The following TAFA5 variants were observed in gnomAD, a reference collection of about 807,000 sequenced individuals.
TAFA5 encodes the protein chemokine-like protein TAFA-5.
Under a neutral mutation model 15.3 loss-of-function variants are expected in TAFA5, and 6 were observed. The observed-to-expected ratio is 0.39, with a 90% confidence interval of 0.21 to 0.77. The LOEUF is 0.77. Ranked by LOEUF, TAFA5 falls within the 30% of genes least tolerant of loss-of-function variation. The pLI, the probability that TAFA5 is intolerant of heterozygous loss-of-function variation, is 0.41. For synonymous variants in TAFA5, 103 were observed against 80.7 expected, an observed-to-expected ratio of 1.28 and a Z score of -1.48; for missense variants, 161 against 193.1, an observed-to-expected ratio of 0.83 and a Z score of 0.98.
chr22:48,554,976 G>T (rs938240745), intron 1 of TAFA5, among the ~76,000 whole-genome samples: 1 of 152,202 alleles, frequency 6.6e-6, no homozygotes, highest in South Asian at 2.1e-4. Context: ...GCCCAGGGTG[G>T]CAATGTAGCC....
intron 1 of TAFA5, among the ~76,000 whole-genome samples, chr22:48,645,150 C>A (rs1926818548): frequency 6.6e-6 from 1 of 152,152 alleles, no homozygotes; most frequent in Non-Finnish European, 1.5e-5. Flanking sequence ...GGAGCAGGTG[C>A]CCATGTGGAG....
chr22:48,591,199 C>T (rs1924555241), intron 1 of TAFA5, among the ~76,000 whole-genome samples: 1 of 152,274 alleles, frequency 6.6e-6, no homozygotes, highest in East Asian at 1.9e-4. Context: ...TTGGCCTTGA[C>T]AGCAACCTGA....
chr22:48,633,910 C>T (rs1461366803), intron 1 of TAFA5, among the ~76,000 whole-genome samples: 1 of 152,216 alleles, frequency 6.6e-6, no homozygotes, highest in South Asian at 2.1e-4. Flanking sequence ...TTATTTCTCA[C>T]AATCGTGGGT....
At chr22:48,744,064 G>T (rs1235765284) in intron 3 of TAFA5, among the ~76,000 whole-genome samples, 1 of 152,236 alleles carries the variant, frequency 6.6e-6, no homozygotes, top group Non-Finnish European at 1.5e-5. Flanking sequence ...AGGCTGTTCT[G>T]TCGAGATGGA....
In TAFA5 at chr22:48,649,212, G is replaced by A. The variant is rs576721635; in HGVS notation, c.262+2466G>A. 9.0e-4 allele frequency among the ~76,000 whole-genome samples: 137 copies of A among 152,332 alleles called. 2 individuals are homozygous for A. Among genetic ancestry groups the A allele is most frequent in the Middle Eastern group, 6.8e-3 (2 of 294 alleles). ...GATGCCCTGTGCACCTGGGGGTTGC[G>A]TGCACTGCTCAGGTGGGATACCCAG... On this transcript the variant is annotated intron_variant, in intron 2 of 3. Coordinates refer to ENST00000402357, the MANE Select transcript of TAFA5 (RefSeq NM_001082967.3).
At chr22:48,665,856 T>C (rs1194552250) in intron 2 of TAFA5, among the ~76,000 whole-genome samples, 1 of 151,778 alleles carries the variant, frequency 6.6e-6, no homozygotes, top group African/African-American at 2.4e-5. Context: ...CCCTCTCTGT[T>C]TTCCTTTTCC....
At position 48,693,354 on chromosome 22, in the gene TAFA5, G is replaced by A. The variant is rs552927276; in HGVS notation, c.263-14363G>A. 2.0e-4 allele frequency: 319 copies of A among 1,612,488 alleles called. 1 individual carries two copies. The South Asian group carries it at 2.6e-3, about 13-fold the overall frequency. On this transcript the variant is annotated intron_variant, in intron 2 of 3. Transcript: ENST00000402357. ...AAAAACCAGGAAAGCACAAACACCC[G>A]AAATGTACCACCACCGGGAATGGCC...
At chr22:48,660,993 G>A (rs1927419646) in intron 2 of TAFA5, among the ~76,000 whole-genome samples, 1 of 152,188 alleles carries the variant, frequency 6.6e-6, no homozygotes, top group South Asian at 2.1e-4. Flanking sequence ...CAGGCACAGT[G>A]AATACAGTCA....
chr22:48,650,918 C>T (rs1032154322), intron 2 of TAFA5, among the ~76,000 whole-genome samples: 3 of 152,198 alleles, frequency 2.0e-5, no homozygotes, highest in African/African-American at 7.2e-5. Context: ...CGCCAGGTTC[C>T]CTTTTCCATC....
intron 2 of TAFA5, among the ~76,000 whole-genome samples, chr22:48,667,388 A>G (rs982558028): frequency 6.6e-6 from 1 of 152,218 alleles, no homozygotes; most frequent in Admixed American, 6.5e-5. Flanking sequence ...GGGAGGAAAG[A>G]TTGGAAAACT....
At chr22:48,512,889 G>T (rs133509) in intron 1 of TAFA5, among the ~76,000 whole-genome samples, 1 of 144,422 alleles carries the variant, frequency 6.9e-6, no homozygotes, top group Non-Finnish European at 1.5e-5. Context: ...TGCCACTGCA[G>T]TCCAGCCTGG....
chr22:48,697,042 C>T (rs923733123), intron 2 of TAFA5, among the ~76,000 whole-genome samples: 2 of 152,180 alleles, frequency 1.3e-5, no homozygotes, highest in Non-Finnish European at 2.9e-5. Flanking sequence ...GGGAAGATGG[C>T]GTGCCAGGCA....
chr22:48,724,069 G>A (rs538602730), intron 3 of TAFA5, among the ~76,000 whole-genome samples: 30 of 151,918 alleles, frequency 2.0e-4, no homozygotes, highest in African/African-American at 6.3e-4. Flanking sequence ...GGAGAGACTC[G>A]GGGTTCTGGT....
intron 1 of TAFA5, among the ~76,000 whole-genome samples, chr22:48,541,532 G>C (rs1257173802): frequency 6.6e-6 from 1 of 152,146 alleles, no homozygotes; most frequent in Admixed American, 6.5e-5. Flanking sequence ...TGTTTTCCTT[G>C]TCCCAGGTGT....
At chr22:48,588,416 G>T (rs1032109697) in intron 1 of TAFA5, among the ~76,000 whole-genome samples, 1 of 152,180 alleles carries the variant, frequency 6.6e-6, no homozygotes, top group Non-Finnish European at 1.5e-5. Context: ...TGCACTGCCC[G>T]TCCTGAAAGG....
At chr22:48,505,958 A>G (rs1423083511) in intron 1 of TAFA5, among the ~76,000 whole-genome samples, 1 of 152,186 alleles carries the variant, frequency 6.6e-6, no homozygotes, top group Non-Finnish European at 1.5e-5. Context: ...GAGACACTCT[A>G]ATGGGACAGG....
intron 2 of TAFA5, among the ~76,000 whole-genome samples, chr22:48,681,452 G>A (rs1384002744): frequency 4.6e-5 from 7 of 150,874 alleles, no homozygotes; most frequent in South Asian, 2.1e-4. Flanking sequence ...GGACCAGCCT[G>A]GGGAACACGG....
At chr22:48,629,878 G>A (rs1926153791) in intron 1 of TAFA5, among the ~76,000 whole-genome samples, 1 of 152,178 alleles carries the variant, frequency 6.6e-6, no homozygotes, top group Non-Finnish European at 1.5e-5. Context: ...AACGCCGAGT[G>A]TCCTCCCGGC....
At chr22:48,516,748 G>A (rs926000253) in intron 1 of TAFA5, among the ~76,000 whole-genome samples, 1 of 152,196 alleles carries the variant, frequency 6.6e-6, no homozygotes, top group Non-Finnish European at 1.5e-5. Context: ...ACGAAGGCAA[G>A]TGCCTTCCAG....
Sources: gnomAD v4.1 joint callset for allele counts (sites outside exome capture counted in the v4.1 genomes callset) on GRCh38, gnomAD v4.1.1 for gene constraint, MANE v1.5 for transcripts, NCBI Gene and HGNC (gene_info 2026-07-23, HGNC 2026-07-21) for gene names.